The following KHK variants were observed in gnomAD, a reference collection of about 807,000 sequenced individuals.
KHK encodes the protein ketohexokinase, also known as fructokinase.
Under a neutral mutation model 36.0 loss-of-function variants are expected in KHK, and 37 were observed. The ratio of observed to expected loss-of-function variants is 1.03; its 90% confidence interval spans 0.79 to 1.35. The LOEUF (loss-of-function observed/expected upper bound fraction) is 1.35. Ranked by LOEUF, KHK falls within the 40% of genes most tolerant of loss-of-function variation. The pLI, the probability that KHK is intolerant of heterozygous loss-of-function variation, is 0.00. For missense variants in KHK, 395 were observed against 391.9 expected, an observed-to-expected ratio of 1.01 and a Z score of -0.07; for synonymous variants, 161 against 162.8, an observed-to-expected ratio of 0.99 and a Z score of 0.08.
At chr2:27,091,483 G>T (rs1410592255) in intron 1 of KHK, among the ~76,000 whole-genome samples, 1 of 152,056 alleles carries the variant, frequency 6.6e-6, no homozygotes, top group Non-Finnish European at 1.5e-5. Context: ...TTCTGGTTCG[G>T]TTTTTTCTCT....
rs1670389516 is a variant in KHK, at chr2:27,096,915, C to T, written c.417+114C>T. 1.8e-5 allele frequency: 14 copies of T among 784,116 alleles called. 1 individual carries two copies. The highest frequency in any genetic ancestry group is 4.5e-4 in the Middle Eastern group (2 of 4,446). The allele number at this position is 784,116 out of a possible 1,614,324, so 48.6% of individuals were successfully genotyped here. ...GTACCTTAGAGATAAATGAACCCAACCCCCTCATTCTCTCTCCATCTTTCC... is the reference window on the plus strand; with the variant it reads ...GTACCTTAGAGATAAATGAACCCAATCCCCTCATTCTCTCTCCATCTTTCC... On this transcript the variant is annotated intron_variant, in intron 4 of 7. Coordinates refer to ENST00000260598, the MANE Select transcript of KHK (RefSeq NM_006488.3).
intron 5 of KHK, chr2:27,098,875 C>T (rs1670586343): frequency 3.0e-6 from 1 of 328,770 alleles, no homozygotes; most frequent in African/African-American, 2.1e-5. Context: ...ATTTACAAGG[C>T]TGTATTCTAT....
Position 27,094,891 on chromosome 2 carries a change from A to G in KHK, c.301A>G (p.Ile101Val). 2 of 1,613,978 alleles carry G rather than the reference A, an allele frequency of 1.2e-6. No homozygotes were observed. Among genetic ancestry groups the G allele is most frequent in the Middle Eastern group, 3.3e-4 (2 of 6,062 alleles). The change falls in exon 3 of 8, where the codon ATC (isoleucine) becomes GTC (valine). Residue 101 changes from isoleucine (I) to valine (V), a missense_variant. Coordinates refer to ENST00000260598, the MANE Select transcript of KHK (RefSeq NM_006488.3). ...GGACACCCCCAGCTCCTGCTGCATC[A>G]TCAACAACTCCAATGGCAACCGTAC... is the stretch of plus-strand genomic sequence containing the variant. ...KGDTPSSCCIINNSNGNRTIV... is the reference protein window; with the variant it reads ...KGDTPSSCCIVNNSNGNRTIV...
At chr2:27,092,916 A>C (rs1209911765) in intron 2 of KHK, among the ~76,000 whole-genome samples, 1 of 152,140 alleles carries the variant, frequency 6.6e-6, no homozygotes, top group East Asian at 1.9e-4. Flanking sequence ...AAGCAGTGAG[A>C]GTACCCTGTT....
chr2:27,095,076 G>C, intron 3 of KHK, 142 bp downstream of exon 3: 1 of 967,016 alleles, frequency 1.0e-6, no homozygotes, highest in South Asian at 1.4e-5. Context: ...AAAATGTCCA[G>C]TGATTTCCTA....
chr2:27,092,305 T>C (rs1164877621), intron 1 of KHK, 27 bp from the exon 2 acceptor site: 1 of 1,566,230 alleles, frequency 6.4e-7, no homozygotes, highest in Admixed American at 1.7e-5. Flanking sequence ...CTGCTGGGGC[T>C]GCAGGGACCC....
intron 3 of KHK, 65 bp from the exon 4 acceptor site, chr2:27,096,664 A>T: frequency 7.7e-7 from 1 of 1,300,026 alleles, no homozygotes; most frequent in Non-Finnish European, 1.1e-6. Flanking sequence ...TGCCAGTTAG[A>T]GATCCTGGCT....
chr2:27,087,172 G>A lies in KHK; in HGVS notation c.-88G>A. The stretch of plus-strand genomic sequence containing the variant: ...GCGGAGGAGGAGCCAGGGCAGCTGG[G>A]AGCGGGGACACCATCCTCCTGGATA... On this transcript the variant is annotated 5_prime_UTR_variant, in exon 1 of 8. Transcript: ENST00000260598. The A allele has an allele frequency of 1.7e-6, 2 of 1,146,214 alleles. No individual in the cohort carries two copies. Among genetic ancestry groups the A allele is most frequent in the East Asian group, 2.6e-5 (1 of 38,700 alleles). The allele number at this position is 1,146,214 out of a possible 1,614,324, so 71.0% of individuals were successfully genotyped here.
In KHK at chr2:27,097,658, C is replaced by T. The variant is rs369888006; in HGVS notation, c.564+9C>T. On this transcript the variant is annotated intron_variant, in intron 5 of 7. Coordinates refer to ENST00000260598, the MANE Select transcript of KHK (RefSeq NM_006488.3). ...TTGGCTACGGAGACGTGGTGGGTGC[C>T]CCATTCAGCCTCTCTTTGCCACTTC... is the stretch of plus-strand genomic sequence containing the variant. 4.3e-6 allele frequency: 7 copies of T among 1,613,626 alleles called. No homozygotes were observed. The highest frequency in any genetic ancestry group is 4.0e-5 in the African/African-American group (3 of 74,674).
rs886055893 is a variant in KHK, at chr2:27,099,948, A to C, written c.*198A>C. Reference sequence around the variant, plus strand: ...GCTGGGGGATGCAGAGCCTCAGAGCAAATAAATCTTCCTCAGAGCCAGCTT... The same window carrying C: ...GCTGGGGGATGCAGAGCCTCAGAGCCAATAAATCTTCCTCAGAGCCAGCTT... On this transcript the variant is annotated 3_prime_UTR_variant, in exon 8 of 8. Coordinates refer to ENST00000260598, the MANE Select transcript of KHK (RefSeq NM_006488.3). 1.6e-6 allele frequency: 2 copies of C among 1,217,798 alleles called. No homozygotes were observed. Among genetic ancestry groups the C allele is most frequent in the Non-Finnish European group, 2.4e-6 (2 of 847,472 alleles). 75.4% of individuals were successfully genotyped at this position (1,217,798 alleles called of 1,614,324 possible). A position where few individuals can be genotyped will look rare whatever the true frequency, so the allele number is the denominator to read the frequency against.
At chr2:27,093,099 G>A (rs953256990) in intron 2 of KHK, among the ~76,000 whole-genome samples, 4 of 152,182 alleles carry the variant, frequency 2.6e-5, no homozygotes, top group African/African-American at 4.8e-5. Flanking sequence ...AGCACTTATC[G>A]GGAGGTGAGG....
At chr2:27,093,169 G>A (rs966195343) in intron 2 of KHK, among the ~76,000 whole-genome samples, 1 of 152,180 alleles carries the variant, frequency 6.6e-6, no homozygotes, top group Non-Finnish European at 1.5e-5. Context: ...CCTGTGAAGG[G>A]CAGCCCTTTG....
Position 27,100,467 on chromosome 2 carries a change from G to T in KHK, c.*717G>T, listed in dbSNP as rs1275175848. On this transcript the variant is annotated 3_prime_UTR_variant, in exon 8 of 8. Coordinates refer to ENST00000260598, the MANE Select transcript of KHK (RefSeq NM_006488.3). ...ACAAATGTGACCCAGGATACAGAGT[G>T]TTGCTGTCCTCAGGGAGGTCCGATC... 7.7e-7 allele frequency: 1 copy of T among 1,290,940 alleles called. No homozygotes were observed. Among genetic ancestry groups the T allele is most frequent in the Non-Finnish European group, 1.0e-6 (1 of 988,886 alleles). The allele number at this position is 1,290,940 out of a possible 1,614,324, so 80.0% of individuals were successfully genotyped here.
chr2:27,096,635 C>T (rs955152505), intron 3 of KHK, 94 bp from the exon 4 acceptor site: 4 of 956,326 alleles, frequency 4.2e-6, no homozygotes, highest in Non-Finnish European at 6.8e-6. Flanking sequence ...GCCAGCAGTG[C>T]AGGCACAGGG....
chr2:27,091,612 A>G (rs1670009047), intron 1 of KHK, among the ~76,000 whole-genome samples: 1 of 152,204 alleles, frequency 6.6e-6, no homozygotes, highest in South Asian at 2.1e-4. Flanking sequence ...AATAACATTC[A>G]TTAATGATTT....
Position 27,100,283 on chromosome 2 carries a change from G to A in KHK, c.*533G>A. ...TCCACACCGCTGAGCTGAACTGACAGGCCAGTGGGGGGCAGGGGTGCGCCT... is the reference window on the plus strand; with the variant it reads ...TCCACACCGCTGAGCTGAACTGACAAGCCAGTGGGGGGCAGGGGTGCGCCT... On this transcript the variant is annotated 3_prime_UTR_variant, in exon 8 of 8. Transcript: ENST00000260598. 2.2e-6 allele frequency: 1 copy of A among 456,618 alleles called. No homozygotes were observed. The allele number at this position is 456,618 out of a possible 1,614,324, so 28.3% of individuals were successfully genotyped here. A position where few individuals can be genotyped will look rare whatever the true frequency, so the allele number is the denominator to read the frequency against.
intron 1 of KHK, among the ~76,000 whole-genome samples, chr2:27,091,396 AT>A (rs897597359): frequency 6.6e-6 from 1 of 151,526 alleles, no homozygotes. Flanking sequence ...TCCTACTATC[AT>A]TTTTTTTCTA....
Position 27,099,838 on chromosome 2 carries a change from G to A in KHK, c.*88G>A. 6.4e-7 allele frequency: 1 copy of A among 1,558,710 alleles called. No individual in the cohort carries two copies. The highest frequency in any genetic ancestry group is 8.7e-7 in the Non-Finnish European group (1 of 1,151,594). ...CTCCATCCAGCCTGGCGTCCAGGTT[G>A]CCCTGTTCAGGGGACAGATGCAAGC... On this transcript the variant is annotated 3_prime_UTR_variant, in exon 8 of 8. Transcript: ENST00000260598.
At chr2:27,097,433 G>A (rs557472026) in intron 4 of KHK, 70 bp from the exon 5 acceptor site, 40 of 1,601,784 alleles carry the variant, frequency 2.5e-5, no homozygotes, top group African/African-American at 4.0e-5. Context: ...GAGTTTCAGC[G>A]GGGCAGGAAG....
Sources: gnomAD v4.1 joint callset for allele counts (sites outside exome capture counted in the v4.1 genomes callset) on GRCh38, gnomAD v4.1.1 for gene constraint, MANE v1.5 for transcripts, NCBI Gene and HGNC (gene_info 2026-07-23, HGNC 2026-07-21) for gene names.